TAB2: variants seen among roughly 807,000 people sequenced by gnomAD.
The protein encoded by TAB2 is TGF-beta-activated kinase 1 and MAP3K7-binding protein 2.
Under a neutral mutation model 65.0 loss-of-function variants are expected in TAB2, and 3 were observed. The ratio of observed to expected loss-of-function variants is 0.05; its 90% CI spans 0.02 to 0.12. The LOEUF is 0.12. Ranked by LOEUF, TAB2 falls within the 10% of genes least tolerant of loss-of-function variation. TAB2 has a pLI of 1.00. For missense variants in TAB2, 623 were observed against 840.3 expected, an observed-to-expected ratio of 0.74 and a Z score of 3.20; for synonymous variants, 298 against 285.1, an observed-to-expected ratio of 1.05 and a Z score of -0.46.
chr6:149,272,878 G>A (rs924421308), intron 1 of TAB2, among the ~76,000 whole-genome samples: 1 of 152,180 alleles, frequency 6.6e-6, no homozygotes, highest in South Asian at 2.1e-4. Flanking sequence ...CTAGTGCAGG[G>A]GTCCCCAACC....
chr6:149,343,104 A>G (rs538113620), intron 1 of TAB2, among the ~76,000 whole-genome samples: 1 of 152,280 alleles, frequency 6.6e-6, no homozygotes, highest in South Asian at 2.1e-4. Flanking sequence ...AGCCGTATAA[A>G]CATACCAAAA....
At chr6:149,356,352 C>A (rs530874100) in intron 1 of TAB2, among the ~76,000 whole-genome samples, 1 of 152,286 alleles carries the variant, frequency 6.6e-6, no homozygotes, top group South Asian at 2.1e-4. Flanking sequence ...AAATGAGCAA[C>A]CATTAAACAA....
chr6:149,340,871 A>T (rs1036112273), intron 1 of TAB2, among the ~76,000 whole-genome samples: 1 of 152,164 alleles, frequency 6.6e-6, no homozygotes, highest in African/African-American at 2.4e-5. Flanking sequence ...ATTTTTTAAA[A>T]TTCCTTGTGG....
At chr6:149,237,954 C>T (rs1320382604) in intron 1 of TAB2, among the ~76,000 whole-genome samples, 1 of 152,190 alleles carries the variant, frequency 6.6e-6, no homozygotes, top group Non-Finnish European at 1.5e-5. Context: ...TGCTCCCCAG[C>T]CCCACAGTGT....
chr6:149,273,558 C>G (rs1021104970), intron 1 of TAB2, among the ~76,000 whole-genome samples: 1 of 152,132 alleles, frequency 6.6e-6, no homozygotes, highest in Non-Finnish European at 1.5e-5. Context: ...GCAAGACTTT[C>G]CAAAAAGGGA....
intron 1 of TAB2, among the ~76,000 whole-genome samples, chr6:149,292,863 A>C (rs1412450388): frequency 2.0e-5 from 3 of 152,204 alleles, no homozygotes; most frequent in Non-Finnish European, 4.4e-5. Flanking sequence ...TTTGTTTTTC[A>C]TTAATAAAAG....
intron 1 of TAB2, among the ~76,000 whole-genome samples, chr6:149,284,053 G>A (rs1583064136): frequency 6.6e-6 from 1 of 152,176 alleles, no homozygotes; most frequent in East Asian, 1.9e-4. Context: ...TACATAAAAT[G>A]CAAATTGACC....
At chr6:149,260,901 T>C (rs1778141159) in intron 1 of TAB2, among the ~76,000 whole-genome samples, 1 of 152,232 alleles carries the variant, frequency 6.6e-6, no homozygotes, top group Non-Finnish European at 1.5e-5. Flanking sequence ...TTCCAAATCA[T>C]TCTGTAAATG....
At chr6:149,321,176 C>G (rs1027055320) in intron 1 of TAB2, 1 of 152,046 alleles carries the variant, frequency 6.6e-6, no homozygotes, top group African/African-American at 2.4e-5. Context: ...TTCTGACACT[C>G]TATATATGTC....
chr6:149,358,897 G>A (rs985206356), intron 1 of TAB2, among the ~76,000 whole-genome samples: 2 of 151,234 alleles, frequency 1.3e-5, no homozygotes, highest in African/African-American at 2.4e-5. Context: ...TTTCTCTGTA[G>A]TCTCAAGTAC....
chr6:149,281,873 G>A (rs1368803768), intron 1 of TAB2, among the ~76,000 whole-genome samples: 3 of 151,914 alleles, frequency 2.0e-5, no homozygotes, highest in African/African-American at 4.8e-5. Context: ...TATATATAAA[G>A]ACATAAAAAG....
At chr6:149,394,600 A>T (rs780374473) in intron 3 of TAB2, among the ~76,000 whole-genome samples, 1 of 152,156 alleles carries the variant, frequency 6.6e-6, no homozygotes, top group Non-Finnish European at 1.5e-5. Flanking sequence ...GGTTATTATT[A>T]TGAGGCATTG....
chr6:149,389,766 A>G (rs1781923200), intron 3 of TAB2, among the ~76,000 whole-genome samples: 2 of 151,654 alleles, frequency 1.3e-5, no homozygotes, highest in South Asian at 4.2e-4. Flanking sequence ...GCCTGTTTTC[A>G]TTCTGTCTAA....
At position 149,288,837 on chromosome 6, in the gene TAB2, AT is replaced by A. The variant is rs1057312865; in HGVS notation, c.-121+70069del. On this transcript the variant is annotated intron_variant, in intron 1 of 1. Transcript: ENST00000606202. ...GCCCCTCAACACGAGGACCAGAGTG[AT>A]TTTTTTTAATTTTTAATTTTTTTTT... Among the ~76,000 whole-genome samples the A allele has an allele frequency of 7.0e-5, 10 of 142,214 alleles. No individual in the cohort carries two copies. The East Asian group carries it at 8.6e-4, about 12-fold the overall frequency. The allele number at this position is 142,214 out of a possible 152,430, so 93.3% of individuals were successfully genotyped here.
At chr6:149,349,293 G>T (rs566739410) in intron 1 of TAB2, among the ~76,000 whole-genome samples, 10 of 151,244 alleles carry the variant, frequency 6.6e-5, no homozygotes, top group Non-Finnish European at 1.2e-4. Flanking sequence ...GGTGGCACGC[G>T]CCTGTAATCC....
chr6:149,284,173 C>T (rs1410022537), intron 1 of TAB2, among the ~76,000 whole-genome samples: 1 of 152,180 alleles, frequency 6.6e-6, no homozygotes, highest in Non-Finnish European at 1.5e-5. Flanking sequence ...AGTGAAGTTT[C>T]TCACCACTCT....
intron 1 of TAB2, among the ~76,000 whole-genome samples, chr6:149,237,034 T>C (rs1777507783): frequency 6.6e-6 from 1 of 152,226 alleles, no homozygotes; most frequent in Non-Finnish European, 1.5e-5. Context: ...AATTGTTTAA[T>C]TTATTTGCAT....
Position 149,397,004 on chromosome 6 carries a change from A to C in TAB2, c.1604-600A>C, listed in dbSNP as rs34605016. ...ATGTGAATTAGATACAGTAGTAAGT[A>C]GGTTAACTGAAAAGACGAAAACCTT... is the stretch of plus-strand genomic sequence containing the variant. On this transcript the variant is annotated intron_variant, in intron 3 of 6. Transcript: ENST00000637181. Among the ~76,000 whole-genome samples, 692 of 152,350 alleles carry C rather than the reference A, an allele frequency of 4.5e-3. 11 individuals carry two copies. Among genetic ancestry groups the C allele is most frequent in the African/African-American group, 0.016 (652 of 41,584 alleles).
At chr6:149,232,861 A>G (rs1310038514) in intron 1 of TAB2, among the ~76,000 whole-genome samples, 1 of 152,180 alleles carries the variant, frequency 6.6e-6, no homozygotes. Flanking sequence ...AAAGTGCCCC[A>G]GAGCAGAACA....
Sources: allele counts gnomAD v4.1 joint callset (sites outside exome capture counted in the v4.1 genomes callset), GRCh38; gene constraint gnomAD v4.1.1; transcripts MANE v1.5; gene names NCBI Gene and HGNC (gene_info 2026-07-23, HGNC 2026-07-21).